TRAPPC8: variants seen among roughly 807,000 people sequenced by gnomAD.
TRAPPC8 encodes general sporulation gene 1 homolog.
TRAPPC8 carries 54 observed loss-of-function variants against 174.3 expected under a neutral mutation model. The ratio of observed to expected loss-of-function variants is 0.31; its 90% CI spans 0.25 to 0.39. TRAPPC8 has a LOEUF of 0.39. Ranked by LOEUF, TRAPPC8 falls within the 10% of genes least tolerant of loss-of-function variation. TRAPPC8 has a pLI of 1.00. For missense variants in TRAPPC8, 1,531 were observed against 1,699.1 expected (o/e 0.90, Z 1.74); for synonymous variants, 630 against 579.9 (o/e 1.09, Z -1.24).
intron 12 of TRAPPC8, among the ~76,000 whole-genome samples, chr18:31,875,956 C>G (rs1301484054): frequency 6.6e-6 from 1 of 152,020 alleles, no homozygotes; most frequent in African/African-American, 2.4e-5. Flanking sequence ...GGTACAAATA[C>G]ATGGTTTGAT....
chr18:31,861,572 T>TTGCATTTAAAAACCATCTG (rs1477158245), intron 19 of TRAPPC8, among the ~76,000 whole-genome samples: 11 of 152,254 alleles, frequency 7.2e-5, no homozygotes, highest in African/African-American at 2.6e-4. Flanking sequence ...TTGAGAAGCA[T>TTGCATTTAAAAACCATCTG]TGCATTTAAA....
rs12326860 is a variant in TRAPPC8 at position 31,908,841 on chromosome 18, A to G, written c.1035T>C (p.His345=). 298,091 of 1,613,506 alleles carry G rather than the reference A, an allele frequency of 0.18. 29,908 individuals carry two copies. The highest frequency in any genetic ancestry group is 0.33 in the South Asian group (30,093 of 91,030). Residue 345 remains histidine, a synonymous_variant, in exon 7 of 29, where the codon CAT becomes CAC. Coordinates refer to ENST00000283351, the MANE Select transcript of TRAPPC8 (RefSeq NM_014939.5). The part of the protein sequence containing the change: ...IHGACLTLTD[H]DRIRQFIQEF... ...CTTGTATAAACTGTCGAATTCTATCATGATCAGTAAGTGTTAAACATGCAC... is the reference window on the plus strand; with the variant it reads ...CTTGTATAAACTGTCGAATTCTATCGTGATCAGTAAGTGTTAAACATGCAC...
intron 18 of TRAPPC8, 75 bp from the exon 19 acceptor site, chr18:31,864,856 A>C: frequency 1.6e-6 from 2 of 1,258,102 alleles, no homozygotes. Flanking sequence ...GAATATGTGA[A>C]TATTGTAAGT....
chr18:31,852,283 G>C (rs1163072216), intron 24 of TRAPPC8, among the ~76,000 whole-genome samples, 163 bp downstream of exon 24: 2 of 152,176 alleles, frequency 1.3e-5, no homozygotes, highest in Non-Finnish European at 2.9e-5. Flanking sequence ...CGAGGCTGCA[G>C]TGAGCTGTGA....
intron 5 of TRAPPC8, among the ~76,000 whole-genome samples, chr18:31,912,811 T>C (rs1408582363): frequency 1.3e-5 from 2 of 152,196 alleles, no homozygotes; most frequent in African/African-American, 2.4e-5. Context: ...ATTCTTAACG[T>C]GTAATTCACT....
intron 5 of TRAPPC8, among the ~76,000 whole-genome samples, chr18:31,912,594 G>A (rs1043074629): frequency 2.0e-5 from 3 of 152,118 alleles, no homozygotes; most frequent in Admixed American, 2.0e-4. Flanking sequence ...CCAGGAGGTG[G>A]AGGCTGCAGT....
chr18:31,880,121 ATTTTTTT>A (rs56728828), intron 12 of TRAPPC8, among the ~76,000 whole-genome samples: 1 of 69,054 alleles, frequency 1.4e-5, no homozygotes, highest in Non-Finnish European at 2.9e-5. Flanking sequence ...ATATATATAT[ATTTTTTT>A]TTTTTTAAGG....
At position 31,906,507 on chromosome 18, in the gene TRAPPC8, A is replaced by G. The variant is rs540251299; in HGVS notation, c.1389+953T>C. ...CCTGTGAATATTTTCTAGCTAAAAA[A>G]AAGTATCTACACAATTACCTATGAA... On this transcript the variant is annotated intron_variant, in intron 9 of 28. Transcript: ENST00000283351. 1.1e-3 allele frequency among the ~76,000 whole-genome samples: 160 copies of G among 152,134 alleles called. 1 individual carries two copies. Among genetic ancestry groups the G allele is most frequent in the Non-Finnish European group, 1.5e-3 (105 of 67,986 alleles).
chr18:31,861,765 G>T (rs1384149927), intron 19 of TRAPPC8, among the ~76,000 whole-genome samples: 1 of 151,762 alleles, frequency 6.6e-6, no homozygotes, highest in East Asian at 1.9e-4. Flanking sequence ...AGTGAAACCA[G>T]TCCCTACAAA....
At chr18:31,853,505 T>C (rs1285602764) in intron 22 of TRAPPC8, among the ~76,000 whole-genome samples, 2 of 152,116 alleles carry the variant, frequency 1.3e-5, no homozygotes, top group Non-Finnish European at 2.9e-5. Context: ...TGACCTCAAG[T>C]GATCCGCCCA....
intron 9 of TRAPPC8, among the ~76,000 whole-genome samples, chr18:31,906,471 G>A (rs1348873409): frequency 3.3e-5 from 5 of 151,932 alleles, no homozygotes; most frequent in Admixed American, 3.3e-4. Flanking sequence ...TATTAAACAA[G>A]TATCTGTCAG....
intron 9 of TRAPPC8, among the ~76,000 whole-genome samples, chr18:31,904,818 T>G (rs538441304): frequency 6.6e-6 from 1 of 152,142 alleles, no homozygotes; most frequent in African/African-American, 2.4e-5. Context: ...TCCCTTGAGG[T>G]CAGGAGCTCG....
In TRAPPC8 at chr18:31,849,702, T is replaced by A. The variant is rs1178309356; in HGVS notation, c.3599A>T (p.Tyr1200Phe). The change falls in exon 25 of 29, where the codon TAT (tyrosine) becomes TTT (phenylalanine). Residue 1200 changes from tyrosine (Y) to phenylalanine (F), a missense_variant. By Grantham distance (22) the Tyr-to-Phe change is conservative. Transcript: ENST00000283351. ...SSASPCADFF[Y>F]RSLSSELKKP... Reference sequence around the variant, plus strand: ...TTTCAATTCAGAAGATAAACTTCGATAAAAGAAGTCTGCACATGGGCTTGC... The same window carrying A: ...TTTCAATTCAGAAGATAAACTTCGAAAAAAGAAGTCTGCACATGGGCTTGC... 20 of 1,610,984 alleles carry A rather than the reference T, an allele frequency of 1.2e-5. No homozygotes were observed. Among genetic ancestry groups the A allele is most frequent in the Admixed American group, 1.7e-5 (1 of 59,598 alleles).
At chr18:31,915,243 C>A (rs1454463070) in intron 4 of TRAPPC8, among the ~76,000 whole-genome samples, 1 of 152,004 alleles carries the variant, frequency 6.6e-6, no homozygotes, top group Non-Finnish European at 1.5e-5. Context: ...CCAAGGCGGG[C>A]AGATCACCTG....
At chr18:31,899,565 A>G (rs1227429935) in intron 10 of TRAPPC8, among the ~76,000 whole-genome samples, 2 of 152,218 alleles carry the variant, frequency 1.3e-5, no homozygotes, top group Non-Finnish European at 2.9e-5. Flanking sequence ...ATCTTTCCGA[A>G]AAATAACTTT....
chr18:31,846,297 T>C (rs1339036467), intron 26 of TRAPPC8, among the ~76,000 whole-genome samples: 1 of 152,094 alleles, frequency 6.6e-6, no homozygotes, highest in Non-Finnish European at 1.5e-5. Context: ...AACATGGCAG[T>C]GCGTGGTAGC....
chr18:31,943,110 C>G lies in TRAPPC8; in HGVS notation c.-346G>C. ...CCGCCATGTTGAGGCCGAACCCTGA[C>G]CAACCGGCAGTACTACTCCCAGCTG... On this transcript the variant is annotated 5_prime_UTR_variant, in exon 1 of 29. Coordinates refer to ENST00000283351, the MANE Select transcript of TRAPPC8 (RefSeq NM_014939.5). 2.5e-6 allele frequency: 1 copy of G among 403,626 alleles called. No individual in the cohort carries two copies. Among genetic ancestry groups the G allele is most frequent in the South Asian group, 1.2e-4 (1 of 8,466 alleles). The allele number at this position is 403,626 out of a possible 1,614,324, so 25.0% of individuals were successfully genotyped here. A position where few individuals can be genotyped will look rare whatever the true frequency, so the allele number is the denominator to read the frequency against.
intron 26 of TRAPPC8, among the ~76,000 whole-genome samples, chr18:31,841,250 C>T (rs190118958): frequency 3.4e-4 from 51 of 152,072 alleles, no homozygotes; most frequent in Admixed American, 1.3e-3. Context: ...AAAAGAAAAC[C>T]AGAATTTGCT....
chr18:31,833,337 G>GATGA (rs1446291903), intron 27 of TRAPPC8: 1 of 152,220 alleles, frequency 6.6e-6, no homozygotes, highest in Admixed American at 6.5e-5. Context: ...CTGGTCCAAA[G>GATGA]TGAAACTCAT....
Sources: allele counts gnomAD v4.1 joint callset (sites outside exome capture counted in the v4.1 genomes callset), GRCh38; gene constraint gnomAD v4.1.1; transcripts MANE v1.5; gene names NCBI Gene and HGNC (gene_info 2026-07-23, HGNC 2026-07-21).